The following GABRB1 variants were observed in gnomAD, a reference collection of about 807,000 sequenced individuals.
The protein encoded by GABRB1 is gamma-aminobutyric acid receptor subunit beta-1.
In GABRB1, 17 loss-of-function variants were observed where a neutral mutation model predicts 51.6. The ratio of observed to expected loss-of-function variants is 0.33; its 90% CI spans 0.23 to 0.49. GABRB1 has a LOEUF of 0.49. Among genes scored for constraint, GABRB1 ranks in the 20% least tolerant of loss-of-function variants. GABRB1 has a pLI of 0.99. For missense variants in GABRB1, 410 were observed against 600.6 expected, an observed-to-expected ratio of 0.68 and a Z score of 3.32; for synonymous variants, 247 against 218.9, an observed-to-expected ratio of 1.13 and a Z score of -1.14.
chr4:47,259,420 G>T, intron 4 of GABRB1, among the ~76,000 whole-genome samples: 1 of 152,112 alleles, frequency 6.6e-6, no homozygotes, highest in Non-Finnish European at 1.5e-5. Flanking sequence ...TATAAGCTCT[G>T]TTTGTATGTT....
chr4:47,356,093 T>C (rs1429064397), intron 5 of GABRB1, among the ~76,000 whole-genome samples: 1 of 152,192 alleles, frequency 6.6e-6, no homozygotes, highest in Admixed American at 6.5e-5. Flanking sequence ...AGATTATTGT[T>C]GAATGAATTA....
chr4:47,100,050 A>G (rs1264254317), intron 3 of GABRB1, among the ~76,000 whole-genome samples: 2 of 152,036 alleles, frequency 1.3e-5, no homozygotes, highest in Admixed American at 6.6e-5. Context: ...AATTTTTTAT[A>G]TTGAAATTAT....
At chr4:47,324,959 T>A (rs991815903) in intron 5 of GABRB1, among the ~76,000 whole-genome samples, 1 of 152,160 alleles carries the variant, frequency 6.6e-6, no homozygotes, top group Non-Finnish European at 1.5e-5. Flanking sequence ...ATCAGGCCCG[T>A]CCATTTCTCC....
At chr4:47,077,972 TATATATA>T (rs35262355) in intron 3 of GABRB1, among the ~76,000 whole-genome samples, 59,419 of 127,366 alleles carry the variant, frequency 0.47, 14,647 homozygotes, top group African/African-American at 0.53. Flanking sequence ...ATATATATTT[TATATATA>T]ATATATAATA....
At chr4:47,334,711 G>T (rs1725629475) in intron 5 of GABRB1, among the ~76,000 whole-genome samples, 1 of 152,158 alleles carries the variant, frequency 6.6e-6, no homozygotes, top group South Asian at 2.1e-4. Flanking sequence ...CTATCTAGAG[G>T]TCTGCAATTT....
At chr4:47,165,107 A>G (rs1718119799) in intron 4 of GABRB1, among the ~76,000 whole-genome samples, 1 of 152,084 alleles carries the variant, frequency 6.6e-6, no homozygotes, top group African/African-American at 2.4e-5. Flanking sequence ...AGAACACATG[A>G]TGTCATTTCC....
At chr4:47,327,370 GA>G (rs142491475) in intron 5 of GABRB1, among the ~76,000 whole-genome samples, 4,757 of 145,740 alleles carry the variant, frequency 0.033, 298 homozygotes, top group African/African-American at 0.11. Context: ...AAGAAAAAAA[GA>G]AAAAAAAAAC....
chr4:47,229,165 A>C (rs1721053165), intron 4 of GABRB1, among the ~76,000 whole-genome samples: 1 of 152,134 alleles, frequency 6.6e-6, no homozygotes, highest in South Asian at 2.1e-4. Flanking sequence ...TTGGAGACTT[A>C]AGTGAGCTAA....
rs1721762098 is a variant in GABRB1, at chr4:47,246,392, A to AGG, written c.462-73735_462-73734insGG. The stretch of plus-strand genomic sequence containing the variant: ...TATATATATATATATATATATATAT[A>AGG]TATAAAATACCACAGTTTCTTTATC... On this transcript the variant is annotated intron_variant, in intron 4 of 8. Transcript: ENST00000295454. Among the ~76,000 whole-genome samples, 2 of 104,224 alleles carry AGG rather than the reference A, an allele frequency of 1.9e-5. 1 individual carries two copies. Among genetic ancestry groups the AGG allele is most frequent in the African/African-American group, 7.3e-5 (2 of 27,574 alleles). The allele number at this position is 104,224 out of a possible 152,430, so 68.4% of individuals were successfully genotyped here. A position where few individuals can be genotyped will look rare whatever the true frequency, so the allele number is the denominator to read the frequency against.
At chr4:47,309,351 C>T (rs555916296) in intron 4 of GABRB1, among the ~76,000 whole-genome samples, 1 of 152,018 alleles carries the variant, frequency 6.6e-6, no homozygotes, top group Admixed American at 6.6e-5. Flanking sequence ...CCTGCCCCAA[C>T]AGAAGTGAAT....
chr4:47,199,676 TG>T (rs1208943963), intron 4 of GABRB1, among the ~76,000 whole-genome samples: 5 of 151,992 alleles, frequency 3.3e-5, no homozygotes, highest in Non-Finnish European at 5.9e-5. Context: ...CAGAAGCAGA[TG>T]GGTAGGTGTA....
intron 4 of GABRB1, among the ~76,000 whole-genome samples, chr4:47,195,977 G>T (rs570341303): frequency 6.6e-6 from 1 of 152,230 alleles, no homozygotes; most frequent in African/African-American, 2.4e-5. Flanking sequence ...AGCAGAACTT[G>T]CTAGACATTC....
chr4:47,351,257 A>G (rs1726317789), intron 5 of GABRB1, among the ~76,000 whole-genome samples: 1 of 152,162 alleles, frequency 6.6e-6, no homozygotes, highest in South Asian at 2.1e-4. Context: ...AAAAAAATGT[A>G]GCCTCCTTCA....
intron 5 of GABRB1, among the ~76,000 whole-genome samples, chr4:47,381,743 T>C (rs75235555): frequency 0.066 from 10,029 of 152,256 alleles, 384 homozygotes; most frequent in East Asian, 0.16. Context: ...TTCTTTCCTG[T>C]CTATTTCTCT....
intron 5 of GABRB1, among the ~76,000 whole-genome samples, chr4:47,381,268 C>T (rs1386118293): frequency 6.6e-6 from 1 of 152,128 alleles, no homozygotes; most frequent in East Asian, 1.9e-4. Flanking sequence ...GTCTGGGGCT[C>T]ACCACAAGCA....
intron 5 of GABRB1, among the ~76,000 whole-genome samples, chr4:47,333,194 T>TTATA (rs1162712786): frequency 1.3e-4 from 15 of 113,186 alleles, no homozygotes; most frequent in Admixed American, 6.5e-4. Context: ...CCCATTTTAT[T>TTATA]TATATATATA....
intron 3 of GABRB1, among the ~76,000 whole-genome samples, chr4:47,105,469 T>G (rs1369169328): frequency 6.6e-6 from 1 of 152,082 alleles, no homozygotes; most frequent in African/African-American, 2.4e-5. Flanking sequence ...CTTTGGTTCT[T>G]GTGGATGAGG....
intron 4 of GABRB1, among the ~76,000 whole-genome samples, chr4:47,298,641 A>G (rs1444091363): frequency 6.6e-6 from 1 of 152,256 alleles, no homozygotes; most frequent in Admixed American, 6.5e-5. Flanking sequence ...AAGAATCAAT[A>G]TCGTAAAAAT....
chr4:47,077,959 T>A (rs1454308898), intron 3 of GABRB1, among the ~76,000 whole-genome samples: 1 of 101,990 alleles, frequency 9.8e-6, no homozygotes, highest in Non-Finnish European at 2.0e-5. Context: ...TTATATATTT[T>A]ATATATATAT....
Sources: gnomAD v4.1 joint callset for allele counts (sites outside exome capture counted in the v4.1 genomes callset) on GRCh38, gnomAD v4.1.1 for gene constraint, MANE v1.5 for transcripts, NCBI Gene and HGNC (gene_info 2026-07-23, HGNC 2026-07-21) for gene names.